The following XKR9 variants were observed in gnomAD, a reference collection of about 807,000 sequenced individuals.
The protein encoded by XKR9 is XK related 9.
Under a neutral mutation model 32.0 loss-of-function variants are expected in XKR9, and 32 were observed. That is an observed-to-expected ratio of 1.00 (90% CI 0.76 to 1.34). XKR9 has a LOEUF of 1.34. Among genes scored for constraint, XKR9 ranks in the 40% most tolerant of loss-of-function variants. The pLI is 0.00. For synonymous variants in XKR9, 168 were observed against 143.4 expected, an observed-to-expected ratio of 1.17 and a Z score of -1.22; for missense variants, 546 against 429.7, an observed-to-expected ratio of 1.27 and a Z score of -2.39.
At chr8:70,750,033 G>C (rs1479982524) in intron 2 of XKR9, among the ~76,000 whole-genome samples, 1 of 152,090 alleles carries the variant, frequency 6.6e-6, no homozygotes, top group Non-Finnish European at 1.5e-5. Context: ...GTGTGTGTAT[G>C]CATGAATGCA....
At chr8:70,905,820 T>G in the XKR9 span, among the ~76,000 whole-genome samples, 1 of 152,330 alleles carries the variant, frequency 6.6e-6, no homozygotes, top group African/African-American at 2.4e-5. Flanking sequence ...TGGATGTCCT[T>G]TCTGTTTGTT....
In XKR9 at chr8:70,735,454, A is replaced by G. The variant is rs558994359; in HGVS notation, c.*1030A>G. 1 of 150,044 alleles carries G rather than the reference A, an allele frequency of 6.7e-6. No homozygotes were observed. The highest frequency in any genetic ancestry group is 6.6e-5 in the Admixed American group (1 of 15,054). The allele number at this position is 150,044 out of a possible 1,614,324, so 9.3% of individuals were successfully genotyped here. On this transcript the variant is annotated 3_prime_UTR_variant, in exon 5 of 5. Coordinates refer to ENST00000408926, the MANE Select transcript of XKR9 (RefSeq NM_001011720.2). ...TTATTTATTTATTTTTAATTTTTTA[A>G]TTTTATATTATTATTATTATTATTA...
intron 3 of XKR9, among the ~76,000 whole-genome samples, chr8:70,686,440 A>G (rs1218600394): frequency 2.0e-5 from 3 of 151,228 alleles, no homozygotes; most frequent in Non-Finnish European, 2.9e-5. Flanking sequence ...TATTTGGTAG[A>G]GACAGAGTTC....
chr8:70,759,442 T>C (rs1473118475), intron 2 of XKR9, among the ~76,000 whole-genome samples: 2 of 152,176 alleles, frequency 1.3e-5, no homozygotes, highest in Non-Finnish European at 2.9e-5. Context: ...ATGATTTTCC[T>C]CCTTTTTATT....
chr8:70,972,166 C>CT, the XKR9 span, among the ~76,000 whole-genome samples: 3 of 152,004 alleles, frequency 2.0e-5, no homozygotes, highest in African/African-American at 7.2e-5. Context: ...TTGTAGAGGT[C>CT]TTTCTTGTCC....
At chr8:70,946,328 A>G in the XKR9 span, among the ~76,000 whole-genome samples, 3 of 151,840 alleles carry the variant, frequency 2.0e-5, no homozygotes, top group Admixed American at 1.3e-4. Flanking sequence ...TTGTCCCCCT[A>G]TGTCATTTAC....
intron 4 of XKR9, among the ~76,000 whole-genome samples, chr8:70,727,598 C>T (rs1806516927): frequency 6.6e-6 from 1 of 151,928 alleles, no homozygotes; most frequent in Admixed American, 6.6e-5. Flanking sequence ...TGGGGTTTCA[C>T]CATATTGGCC....
At chr8:71,011,151 C>G in the XKR9 span, among the ~76,000 whole-genome samples, 1 of 152,122 alleles carries the variant, frequency 6.6e-6, no homozygotes, top group Non-Finnish European at 1.5e-5. Context: ...TGGAAAGCCC[C>G]CTCTCCTTCT....
intron 2 of XKR9, among the ~76,000 whole-genome samples, chr8:70,749,168 G>T (rs1372771259): frequency 6.6e-6 from 1 of 152,212 alleles, no homozygotes; most frequent in East Asian, 1.9e-4. Context: ...GATCTTCTCT[G>T]CATTGCTCAC....
chr8:70,767,094 C>G (rs566087074), intron 2 of XKR9, among the ~76,000 whole-genome samples: 3 of 152,146 alleles, frequency 2.0e-5, no homozygotes, highest in African/African-American at 7.2e-5. Flanking sequence ...GTTTTGGTAT[C>G]AGGATGATGC....
the XKR9 span, among the ~76,000 whole-genome samples, chr8:71,002,585 A>G: frequency 6.6e-6 from 1 of 152,030 alleles, no homozygotes; most frequent in South Asian, 2.1e-4. Context: ...CTCCCTTTTT[A>G]CTCTTTTTTA....
In XKR9 at chr8:70,680,616, A is replaced by G. The variant is rs1006506435; in HGVS notation, c.-278-165A>G. On this transcript the variant is annotated intron_variant, in intron 2 of 4. Coordinates refer to ENST00000408926, the MANE Select transcript of XKR9 (RefSeq NM_001011720.2). ...ATAAATAGCCTGAGAGGAAGTTATC[A>G]ACTATCAAGTATATTTCTGAGACTT... 1.1e-4 allele frequency among the ~76,000 whole-genome samples: 16 copies of G among 152,138 alleles called. 1 individual carries two copies. The highest frequency in any genetic ancestry group is 8.5e-4 in the Admixed American group (13 of 15,254).
intron 4 of XKR9, among the ~76,000 whole-genome samples, chr8:70,716,023 A>G (rs1404431936): frequency 6.6e-6 from 1 of 152,114 alleles, no homozygotes; most frequent in Non-Finnish European, 1.5e-5. Context: ...GGAAAGTAAT[A>G]TAGAAGAGAG....
At position 70,681,151 on chromosome 8, in the gene XKR9, A is replaced by T; in HGVS notation, c.93A>T (p.Arg31Ser). The T allele has an allele frequency of 1.9e-6, 3 of 1,613,516 alleles. No individual in the cohort carries two copies. Among genetic ancestry groups the T allele is most frequent in the Non-Finnish European group, 2.5e-6 (3 of 1,179,604 alleles). The part of the protein sequence containing the change: ...DLIVDIWVSV[R>S]FFHEGQYVFS... Reference sequence around the variant, plus strand: ...TTGTGGACATATGGGTATCTGTCAGATTTTTCCATGAAGGACAGTATGTTT... The same window carrying T: ...TTGTGGACATATGGGTATCTGTCAGTTTTTTCCATGAAGGACAGTATGTTT... The change falls in exon 3 of 5, where the codon AGA becomes AGT. Residue 31 changes from arginine (R) to serine (S), a missense_variant. By Grantham distance (110) the Arg-to-Ser change is moderately radical. Transcript: ENST00000408926.
At chr8:70,925,088 C>T in the XKR9 span, among the ~76,000 whole-genome samples, 1 of 152,180 alleles carries the variant, frequency 6.6e-6, no homozygotes. Context: ...CTCTCTTGTA[C>T]TTTCAGTCAC....
intron 2 of XKR9, among the ~76,000 whole-genome samples, chr8:70,742,102 C>T (rs938932605): frequency 7.3e-5 from 11 of 151,492 alleles, no homozygotes; most frequent in African/African-American, 2.2e-4. Context: ...CATATATCTT[C>T]TTTGGAGAAC....
chr8:70,931,068 G>T, the XKR9 span, among the ~76,000 whole-genome samples: 1 of 151,272 alleles, frequency 6.6e-6, no homozygotes, highest in East Asian at 1.9e-4. Flanking sequence ...TGGACTGAGA[G>T]AAATTCATTT....
chr8:70,909,993 G>A, the XKR9 span, among the ~76,000 whole-genome samples: 2 of 151,730 alleles, frequency 1.3e-5, no homozygotes, highest in Non-Finnish European at 2.9e-5. Flanking sequence ...CAGGCATGAG[G>A]CACCATGACC....
chr8:70,673,618 A>T (rs1818788940), intron 1 of XKR9, among the ~76,000 whole-genome samples: 1 of 152,170 alleles, frequency 6.6e-6, no homozygotes, highest in South Asian at 2.1e-4. Context: ...TACAAAAATT[A>T]GGTGGGCATG....
Sources: allele counts gnomAD v4.1 joint callset (sites outside exome capture counted in the v4.1 genomes callset), GRCh38; gene constraint gnomAD v4.1.1; transcripts MANE v1.5; gene names NCBI Gene and HGNC (gene_info 2026-07-23, HGNC 2026-07-21).